Variants in ANK2 observed in about 807,000 individuals in gnomAD.
ANK2 encodes the protein ankyrin-2.
ANK2 carries 83 observed loss-of-function variants against 360.5 expected under a neutral mutation model. That is an observed-to-expected ratio of 0.23 (90% CI 0.19 to 0.28). ANK2 has a LOEUF of 0.28. ANK2 is among the 10% of genes least tolerant of loss of function. The pLI, the probability that ANK2 is intolerant of heterozygous loss-of-function variation, is 1.00. For missense variants in ANK2, 4,201 were observed against 4,795.7 expected (o/e 0.88, Z 3.66); for synonymous variants, 1,740 against 1,759.5 (o/e 0.99, Z 0.28).
chr4:112,715,094 T>A, the ANK2 span, among the ~76,000 whole-genome samples: 1 of 152,194 alleles, frequency 6.6e-6, no homozygotes, highest in African/African-American at 2.4e-5. Context: ...GGAGCAATAA[T>A]CATCTAAGAT....
chr4:113,023,981 A>G (rs2058716364), intron 2 of ANK2, among the ~76,000 whole-genome samples: 1 of 152,202 alleles, frequency 6.6e-6, no homozygotes, highest in African/African-American at 2.4e-5. Flanking sequence ...GCAACAGTGA[A>G]GGAAACAGAT....
chr4:113,061,085 T>A (rs2073105350), intron 1 of ANK2, among the ~76,000 whole-genome samples: 1 of 152,140 alleles, frequency 6.6e-6, no homozygotes, highest in South Asian at 2.1e-4. Context: ...GTCAGGCATT[T>A]GTTTACTGGC....
intron 1 of ANK2, among the ~76,000 whole-genome samples, chr4:113,124,605 T>A (rs562657251): frequency 6.6e-6 from 1 of 152,332 alleles, no homozygotes; most frequent in East Asian, 1.9e-4. Context: ...CTTACTCAGT[T>A]GTACAGGATT....
intron 19 of ANK2, 76 bp downstream of exon 19, chr4:113,287,779 C>T: frequency 8.1e-7 from 1 of 1,233,634 alleles, no homozygotes; most frequent in Non-Finnish European, 1.2e-6. Context: ...CGGGTCACCC[C>T]ATGTCCAGGG....
At chr4:112,957,471 C>T (rs968791248) in intron 2 of ANK2, among the ~76,000 whole-genome samples, 2 of 152,260 alleles carry the variant, frequency 1.3e-5, no homozygotes, top group Non-Finnish European at 2.9e-5. Flanking sequence ...GCCTTTCCCC[C>T]CTTTCTATTC....
intron 1 of ANK2, among the ~76,000 whole-genome samples, chr4:113,163,764 CAAAAAAAAAAAAAAA>C (rs1158530849): frequency 5.4e-5 from 3 of 55,046 alleles, no homozygotes; most frequent in Non-Finnish European, 7.6e-5. Flanking sequence ...AACTTCGTCT[CAAAAAAAAAAAAAAA>C]AAAAAAAAAA....
chr4:113,229,425 CT>C (rs2099265571), intron 4 of ANK2, among the ~76,000 whole-genome samples: 2 of 152,168 alleles, frequency 1.3e-5, no homozygotes, highest in South Asian at 4.1e-4. Context: ...TACATAGAGC[CT>C]GTTTGGATAA....
At chr4:113,276,844 A>G (rs1188676645) in intron 15 of ANK2, among the ~76,000 whole-genome samples, 1 of 152,200 alleles carries the variant, frequency 6.6e-6, no homozygotes. Context: ...TGGTTCCAGG[A>G]TAAGCCATGG....
intron 2 of ANK2, among the ~76,000 whole-genome samples, chr4:113,009,661 T>C (rs936834267): frequency 6.6e-6 from 1 of 152,142 alleles, no homozygotes; most frequent in East Asian, 1.9e-4. Context: ...GGGCATATTC[T>C]CTGGCTCAGT....
At chr4:112,951,113 C>G (rs2082654215) in intron 2 of ANK2, among the ~76,000 whole-genome samples, 1 of 147,728 alleles carries the variant, frequency 6.8e-6, no homozygotes, top group African/African-American at 2.5e-5. Flanking sequence ...AAAATGTGTG[C>G]CTCTTTGACA....
intron 30 of ANK2, 162 bp from the exon 31 acceptor site, chr4:113,336,415 G>A (rs774004643): frequency 8.3e-6 from 6 of 722,066 alleles, no homozygotes; most frequent in Non-Finnish European, 1.1e-5. Context: ...TGAGTGCTTA[G>A]TAATAATACT....
At chr4:112,774,703 A>G in the ANK2 span, among the ~76,000 whole-genome samples, 1 of 152,212 alleles carries the variant, frequency 6.6e-6, no homozygotes, top group Non-Finnish European at 1.5e-5. Context: ...GAAATGGTAA[A>G]GAAAGAGGGG....
At chr4:113,047,144 G>A (rs117498278), upstream of ANK2, among the ~76,000 whole-genome samples, 594 of 152,134 alleles carry the variant, frequency 3.9e-3, 15 homozygotes, top group East Asian at 0.08. Flanking sequence ...TTCCCATCTC[G>A]GGACCTTTGA....
At position 113,227,397 on chromosome 4, in the gene ANK2, A is replaced by G. The variant is rs1018583433; in HGVS notation, c.385-4764A>G. Among the ~76,000 whole-genome samples the G allele has an allele frequency of 4.6e-5, 7 of 152,172 alleles. No homozygotes were observed. The South Asian group carries it at 1.4e-3, about 32-fold the overall frequency. ...ACCCCAAGCCAAGGCATCTGTTTTC[A>G]CCAGAATGAACTTTCTAAAATGCAA... is the stretch of plus-strand genomic sequence containing the variant. On this transcript the variant is annotated intron_variant, in intron 4 of 45. Transcript: ENST00000357077.
At chr4:112,985,728 C>T (rs1211570214) in intron 2 of ANK2, among the ~76,000 whole-genome samples, 1 of 152,130 alleles carries the variant, frequency 6.6e-6, no homozygotes, top group Non-Finnish European at 1.5e-5. Flanking sequence ...TCTGATTATG[C>T]TCCATGGTTC....
intron 3 of ANK2, among the ~76,000 whole-genome samples, chr4:113,198,702 T>G (rs1045574982): frequency 6.6e-6 from 1 of 152,076 alleles, no homozygotes; most frequent in Non-Finnish European, 1.5e-5. Context: ...TTAATTAAAT[T>G]GCATGAATCT....
intron 4 of ANK2, among the ~76,000 whole-genome samples, chr4:113,221,143 G>T (rs2099146423): frequency 6.6e-6 from 1 of 152,158 alleles, no homozygotes; most frequent in African/African-American, 2.4e-5. Context: ...CGTAGATAAG[G>T]TCTGCAGACA....
chr4:113,370,910 C>A (rs897590389), intron 43 of ANK2, among the ~76,000 whole-genome samples: 10 of 151,928 alleles, frequency 6.6e-5, no homozygotes, highest in Non-Finnish European at 1.2e-4. Flanking sequence ...CAAGAATTTG[C>A]CTTTTAAATA....
intron 24 of ANK2, among the ~76,000 whole-genome samples, chr4:113,313,395 A>G (rs1424296602): frequency 1.3e-5 from 2 of 152,174 alleles, no homozygotes; most frequent in Non-Finnish European, 2.9e-5. Context: ...AATACTTTCT[A>G]TAAAACAGGA....
Sources: gnomAD v4.1 joint callset for allele counts (sites outside exome capture counted in the v4.1 genomes callset) on GRCh38, gnomAD v4.1.1 for gene constraint, MANE v1.5 for transcripts, NCBI Gene and HGNC (gene_info 2026-07-23, HGNC 2026-07-21) for gene names.